STIM1: variants seen among roughly 807,000 people sequenced by gnomAD.
The protein encoded by STIM1 is stromal interaction molecule 1.
STIM1 carries 25 observed loss-of-function variants against 74.7 expected under a neutral mutation model. That is an observed-to-expected ratio of 0.33 (90% CI 0.24 to 0.47). The LOEUF (loss-of-function observed/expected upper bound fraction) is 0.47, where lower values mean the gene tolerates loss of function less well. Ranked by LOEUF, STIM1 falls within the 20% of genes least tolerant of loss-of-function variation. STIM1 has a pLI of 1.00. For missense variants in STIM1, 728 were observed against 920.8 expected (o/e 0.79, Z 2.71); for synonymous variants, 328 against 348.8 (o/e 0.94, Z 0.66).
At chr11:4,042,488 T>C (rs573052965) in intron 3 of STIM1, among the ~76,000 whole-genome samples, 14 of 152,350 alleles carry the variant, frequency 9.2e-5, no homozygotes, top group African/African-American at 3.4e-4. Flanking sequence ...GTGACTGTTT[T>C]GTGTATTGTT....
At chr11:3,938,758 A>G (rs2092967764) in intron 1 of STIM1, among the ~76,000 whole-genome samples, 1 of 152,102 alleles carries the variant, frequency 6.6e-6, no homozygotes, top group South Asian at 2.1e-4. Context: ...GAGGCAGGAG[A>G]ATTGCTTGAA....
At chr11:4,080,674 C>T (rs1337038991) in intron 7 of STIM1, among the ~76,000 whole-genome samples, 1 of 152,102 alleles carries the variant, frequency 6.6e-6, no homozygotes. Flanking sequence ...CTGTGTTGCT[C>T]AGGCTGCTCT....
At chr11:3,863,175 T>C (rs944321227) in intron 1 of STIM1, among the ~76,000 whole-genome samples, 1 of 151,894 alleles carries the variant, frequency 6.6e-6, no homozygotes, top group African/African-American at 2.4e-5. Flanking sequence ...ATTACAGGCG[T>C]GAGCCACCAC....
chr11:4,073,079 A>T (rs1214206043), intron 6 of STIM1, among the ~76,000 whole-genome samples: 36 of 49,922 alleles, frequency 7.2e-4, no homozygotes, highest in South Asian at 2.5e-3. Flanking sequence ...TTACAGATTG[A>T]GTTCTGTTTG....
At chr11:4,080,278 G>A (rs999273507) in intron 7 of STIM1, among the ~76,000 whole-genome samples, 7 of 151,852 alleles carry the variant, frequency 4.6e-5, no homozygotes. Flanking sequence ...TTCCCCATGT[G>A]TTTACAGTAT....
At chr11:3,920,040 T>C (rs2092698144) in intron 1 of STIM1, among the ~76,000 whole-genome samples, 1 of 152,050 alleles carries the variant, frequency 6.6e-6, no homozygotes, top group African/African-American at 2.4e-5. Context: ...ATTGCGCCAG[T>C]GTACTCTAGC....
At chr11:3,931,832 A>T (rs2092864317) in intron 1 of STIM1, among the ~76,000 whole-genome samples, 1 of 152,166 alleles carries the variant, frequency 6.6e-6, no homozygotes, top group Non-Finnish European at 1.5e-5. Context: ...TGGCCAATCC[A>T]GAGATTTCGT....
At chr11:3,880,196 G>A (rs2091450880) in intron 1 of STIM1, among the ~76,000 whole-genome samples, 1 of 152,088 alleles carries the variant, frequency 6.6e-6, no homozygotes, top group Non-Finnish European at 1.5e-5. Context: ...TGTATTTAAG[G>A]GCCACATAAT....
Position 3,856,309 on chromosome 11 carries a change from G to A in STIM1, c.39G>A (p.Trp13Ter). 1 of 1,614,156 alleles carries A rather than the reference G, an allele frequency of 6.2e-7. No individual in the cohort carries two copies. The highest frequency in any genetic ancestry group is 8.5e-7 in the Non-Finnish European group (1 of 1,180,028). Residue 13 changes from tryptophan to a stop codon, truncating the protein, a stop_gained, in exon 1 of 13, where the codon TGG becomes TGA. Transcript: ENST00000526596. LOFTEE classifies it high-confidence loss of function. ...TCCGTCTTGCCCTGTGGCTCCTCTG[G>A]GGACTCCTCCTGCACCAGGGCCAGA... ...VCVRLALWLL[W>*]GLLLHQGQSL...
At chr11:4,090,491 A>G (rs2094517766) in intron 12 of STIM1, among the ~76,000 whole-genome samples, 1 of 152,186 alleles carries the variant, frequency 6.6e-6, no homozygotes, top group South Asian at 2.1e-4. Flanking sequence ...TTTGAATCCT[A>G]TGAGATGGTT....
intron 2 of STIM1, chr11:3,989,365 A>G (rs2093587129): frequency 1.3e-6 from 1 of 787,796 alleles, no homozygotes; most frequent in Admixed American, 1.7e-5. Flanking sequence ...CTTCGCTTCC[A>G]CTTTTGCAGG....
chr11:3,973,384 C>A (rs2093414424), intron 2 of STIM1: 1 of 409,952 alleles, frequency 2.4e-6, no homozygotes, highest in Non-Finnish European at 4.7e-6. Flanking sequence ...TAGTTGTGGC[C>A]ATTCACAGTA....
At chr11:4,047,795 C>T (rs373930198) in intron 3 of STIM1, among the ~76,000 whole-genome samples, 2 of 146,872 alleles carry the variant, frequency 1.4e-5, no homozygotes, top group African/African-American at 5.0e-5. Flanking sequence ...ACTCAAGCCT[C>T]GGTGGCAGAG....
chr11:3,884,913 A>G (rs929208281), intron 1 of STIM1, among the ~76,000 whole-genome samples: 4 of 152,230 alleles, frequency 2.6e-5, no homozygotes, highest in African/African-American at 7.2e-5. Context: ...TACATATTGT[A>G]TGATTCCATT....
At chr11:3,956,291 G>T (rs2412338) in intron 1 of STIM1, among the ~76,000 whole-genome samples, 52,121 of 151,946 alleles carry the variant, frequency 0.34, 9,170 homozygotes, top group South Asian at 0.48. Flanking sequence ...CAGGATAAGA[G>T]TTGGAATAGT....
At chr11:4,051,478 G>A (rs2094240997) in intron 3 of STIM1, among the ~76,000 whole-genome samples, 1 of 151,850 alleles carries the variant, frequency 6.6e-6, no homozygotes, top group South Asian at 2.1e-4. Context: ...GAGTAGCTGG[G>A]ACTACAGGCA....
At chr11:3,968,817 C>T (rs867101706) in intron 2 of STIM1, among the ~76,000 whole-genome samples, 1 of 152,314 alleles carries the variant, frequency 6.6e-6, no homozygotes, top group Middle Eastern at 3.4e-3. Context: ...TACTAGCTCT[C>T]ATTGATTGAA....
chr11:3,935,168 G>A (rs896444704), intron 1 of STIM1, among the ~76,000 whole-genome samples: 1 of 152,176 alleles, frequency 6.6e-6, no homozygotes, highest in Non-Finnish European at 1.5e-5. Flanking sequence ...ATAGGGCTGA[G>A]AGCCTGAAAC....
chr11:4,006,504 T>A (rs2093782686), intron 2 of STIM1, among the ~76,000 whole-genome samples: 1 of 152,246 alleles, frequency 6.6e-6, no homozygotes. Flanking sequence ...AACTTCTGTT[T>A]CCTGGGTTCA....
Sources: allele counts gnomAD v4.1 joint callset (sites outside exome capture counted in the v4.1 genomes callset), GRCh38; gene constraint gnomAD v4.1.1; transcripts MANE v1.5; gene names NCBI Gene and HGNC (gene_info 2026-07-23, HGNC 2026-07-21).